PIK3C2G: variants seen among roughly 807,000 people sequenced by gnomAD.
The protein encoded by PIK3C2G is phosphatidylinositol-4-phosphate 3-kinase catalytic subunit type 2 gamma.
Under a neutral mutation model 181.1 loss-of-function variants are expected in PIK3C2G, and 168 were observed. The observed-to-expected ratio is 0.93, with a 90% CI of 0.82 to 1.05. The LOEUF (loss-of-function observed/expected upper bound fraction) is 1.05, where lower values mean the gene tolerates loss of function less well. Among genes scored for constraint, PIK3C2G ranks in the 50% least tolerant of loss-of-function variants. The probability of loss-of-function intolerance (pLI) is 0.00; values close to 1 mark genes in which losing one functional copy is unlikely to be tolerated. For synonymous variants in PIK3C2G, 573 were observed against 592.2 expected (o/e 0.97, Z 0.47); for missense variants, 1,869 against 1,732.8 (o/e 1.08, Z -1.40).
chr12:18,623,360 G>A (rs1051039961), intron 31 of PIK3C2G, among the ~76,000 whole-genome samples: 1 of 151,428 alleles, frequency 6.6e-6, no homozygotes, highest in Non-Finnish European at 1.5e-5. Context: ...TACATGTGGG[G>A]GTTCTTGGGC....
intron 8 of PIK3C2G, among the ~76,000 whole-genome samples, chr12:18,329,600 T>G (rs1028612981): frequency 2.0e-5 from 3 of 152,196 alleles, no homozygotes; most frequent in Non-Finnish European, 4.4e-5. Flanking sequence ...TCCATGTGGT[T>G]GTTATTAGTT....
chr12:18,243,971 T>C (rs921748391), upstream of PIK3C2G, among the ~76,000 whole-genome samples: 1 of 152,004 alleles, frequency 6.6e-6, no homozygotes, highest in Non-Finnish European at 1.5e-5. Context: ...ACTGAGTCCC[T>C]GCCTTCCAGA....
chr12:18,613,233 G>A (rs761999310), intron 31 of PIK3C2G, among the ~76,000 whole-genome samples: 1 of 151,890 alleles, frequency 6.6e-6, no homozygotes, highest in Non-Finnish European at 1.5e-5. Context: ...GCTCCAGAAT[G>A]TTCGCATTCC....
At chr12:18,459,084 C>A (rs1416513748) in intron 18 of PIK3C2G, among the ~76,000 whole-genome samples, 1 of 152,044 alleles carries the variant, frequency 6.6e-6, no homozygotes, top group Non-Finnish European at 1.5e-5. Context: ...AATAAGTAGC[C>A]ATGGTTTTAA....
chr12:18,394,508 G>T (rs1270541376), intron 15 of PIK3C2G, among the ~76,000 whole-genome samples: 2 of 152,042 alleles, frequency 1.3e-5, no homozygotes, highest in Middle Eastern at 6.8e-3. Flanking sequence ...CAGATCCAAA[G>T]AGTTTTAAAT....
intron 9 of PIK3C2G, among the ~76,000 whole-genome samples, chr12:18,339,789 A>C (rs1938949065): frequency 6.6e-6 from 1 of 152,162 alleles, no homozygotes; most frequent in Admixed American, 6.6e-5. Flanking sequence ...TAGAAATTTA[A>C]ATACGTTCTT....
chr12:18,287,237 C>T (rs11044005), intron 3 of PIK3C2G, among the ~76,000 whole-genome samples: 9,101 of 151,294 alleles, frequency 0.06, 403 homozygotes, highest in Non-Finnish European at 0.093. Context: ...TGTTTAATGA[C>T]GTAAGTGACT....
At chr12:18,510,789 C>G (rs968446226) in intron 24 of PIK3C2G, among the ~76,000 whole-genome samples, 1 of 152,038 alleles carries the variant, frequency 6.6e-6, no homozygotes, top group Admixed American at 6.5e-5. Flanking sequence ...TACAATGTGA[C>G]GAAATCAAAC....
At chr12:18,424,270 C>A (rs942722424) in intron 18 of PIK3C2G, among the ~76,000 whole-genome samples, 1 of 152,144 alleles carries the variant, frequency 6.6e-6, no homozygotes, top group African/African-American at 2.4e-5. Context: ...TAAATCCAAA[C>A]AGAATTTCAA....
chr12:18,692,577 A>G, the PIK3C2G span, among the ~76,000 whole-genome samples: 3 of 152,306 alleles, frequency 2.0e-5, no homozygotes, highest in East Asian at 5.8e-4. Flanking sequence ...GAAAGGTGCT[A>G]GGTGGGATAC....
chr12:18,338,107 TTC>T (rs1452687126), intron 8 of PIK3C2G, among the ~76,000 whole-genome samples: 1 of 152,132 alleles, frequency 6.6e-6, no homozygotes, highest in African/African-American at 2.4e-5. Context: ...CTCCCTCTCT[TTC>T]TCTCTTTTCC....
chr12:18,407,893 G>C (rs900785664), intron 16 of PIK3C2G, among the ~76,000 whole-genome samples: 2 of 152,120 alleles, frequency 1.3e-5, no homozygotes, highest in African/African-American at 4.8e-5. Context: ...CAGGGGAGGA[G>C]TACATGATTT....
chr12:18,476,368 A>G (rs1313059589), intron 18 of PIK3C2G, among the ~76,000 whole-genome samples: 2 of 152,168 alleles, frequency 1.3e-5, no homozygotes, highest in Non-Finnish European at 1.5e-5. Flanking sequence ...GAAATATGAG[A>G]TAAGACTTAA....
intron 29 of PIK3C2G, among the ~76,000 whole-genome samples, chr12:18,570,778 A>G (rs944269944): frequency 2.0e-5 from 3 of 150,630 alleles, no homozygotes; most frequent in African/African-American, 7.5e-5. Context: ...GTTTATATCT[A>G]TCTGACCCAT....
chr12:18,286,718 A>C (rs965704698), intron 2 of PIK3C2G, 129 bp from the exon 3 acceptor site: 27 of 568,914 alleles, frequency 4.7e-5, no homozygotes, highest in Non-Finnish European at 8.3e-5. Flanking sequence ...ATATTACTTC[A>C]ATTTTTAAAA....
chr12:18,529,010 A>T (rs1305912726), intron 24 of PIK3C2G, among the ~76,000 whole-genome samples: 2 of 152,156 alleles, frequency 1.3e-5, no homozygotes, highest in Non-Finnish European at 2.9e-5. Flanking sequence ...TAGTTGTTAA[A>T]ATTTGTTCAA....
intron 31 of PIK3C2G, among the ~76,000 whole-genome samples, chr12:18,621,532 CAT>C (rs1190387956): frequency 6.6e-6 from 1 of 151,170 alleles, no homozygotes; most frequent in East Asian, 1.9e-4. Context: ...ATATGTATAA[CAT>C]GTTTTATATA....
At chr12:18,266,836 C>T (rs4454772) in intron 1 of PIK3C2G, among the ~76,000 whole-genome samples, 1 of 151,404 alleles carries the variant, frequency 6.6e-6, no homozygotes, top group Admixed American at 6.6e-5. Context: ...CCTTCTTCCT[C>T]CTCCTCCTCA....
intron 16 of PIK3C2G, among the ~76,000 whole-genome samples, chr12:18,404,870 T>C (rs1944432158): frequency 1.3e-5 from 2 of 151,756 alleles, no homozygotes; most frequent in Non-Finnish European, 2.9e-5. Flanking sequence ...AAAGAACAGA[T>C]TGAAAAAAGA....
Sources: gnomAD v4.1 joint callset for allele counts (sites outside exome capture counted in the v4.1 genomes callset) on GRCh38, gnomAD v4.1.1 for gene constraint, MANE v1.5 for transcripts, NCBI Gene and HGNC (gene_info 2026-07-23, HGNC 2026-07-21) for gene names.